LDLRAD4: variants seen among roughly 807,000 people sequenced by gnomAD.
LDLRAD4 encodes low density lipoprotein receptor class A domain containing 4.
LDLRAD4 carries 5 observed loss-of-function variants against 17.0 expected under a neutral mutation model. The ratio of observed to expected loss-of-function variants is 0.29; its 90% CI spans 0.15 to 0.62. LDLRAD4 has a LOEUF of 0.62. LDLRAD4 is among the 20% of genes least tolerant of loss of function. The pLI is 0.84. For synonymous variants in LDLRAD4, 168 were observed against 171.8 expected, an observed-to-expected ratio of 0.98 and a Z score of 0.17; for missense variants, 340 against 424.7, an observed-to-expected ratio of 0.80 and a Z score of 1.75.
chr18:13,247,960 C>CTTT (rs34516593), intron 1 of LDLRAD4, among the ~76,000 whole-genome samples: 23,228 of 131,792 alleles, frequency 0.18, 4,655 homozygotes, highest in African/African-American at 0.49. Context: ...CGCCCCCCGC[C>CTTT]TTTTTTTTTT....
At chr18:13,569,175 G>A (rs776136464) in intron 3 of LDLRAD4, among the ~76,000 whole-genome samples, 1 of 152,160 alleles carries the variant, frequency 6.6e-6, no homozygotes, top group South Asian at 2.1e-4. Flanking sequence ...CTAGAGAAGC[G>A]CCCTTTGCCC....
intron 3 of LDLRAD4, among the ~76,000 whole-genome samples, chr18:13,574,359 G>A (rs755205173): frequency 6.6e-6 from 1 of 152,136 alleles, no homozygotes; most frequent in East Asian, 1.9e-4. Context: ...GAGAGCAACC[G>A]CTCTCTGTTC....
intron 1 of LDLRAD4, among the ~76,000 whole-genome samples, chr18:13,282,993 T>C (rs2045376795): frequency 6.6e-6 from 1 of 152,242 alleles, no homozygotes; most frequent in South Asian, 2.1e-4. Flanking sequence ...GCTTCCACCC[T>C]CTGAAGTCAC....
At chr18:13,512,116 C>T (rs531469934) in intron 3 of LDLRAD4, among the ~76,000 whole-genome samples, 2 of 152,298 alleles carry the variant, frequency 1.3e-5, no homozygotes, top group East Asian at 3.9e-4. Context: ...ATGTAATTTC[C>T]TTCCTGTTCC....
chr18:13,232,843 C>T lies in LDLRAD4; in HGVS notation c.-467+13855C>T, dbSNP rs142643950. On this transcript the variant is annotated intron_variant, in intron 1 of 5. Transcript: ENST00000399848. ...AGAGGCGCGTGCCAGCTGTGATGCT[C>T]GTCCGAACTCAGCTCCGGACCCGAA... Among the ~76,000 whole-genome samples, 144 of 152,244 alleles carry T rather than the reference C, an allele frequency of 9.5e-4. 1 individual carries two copies. The highest frequency in any genetic ancestry group is 1.6e-3 in the Non-Finnish European group (110 of 68,010).
At chr18:13,637,874 A>C (rs374303881) in intron 4 of LDLRAD4, among the ~76,000 whole-genome samples, 43 of 149,852 alleles carry the variant, frequency 2.9e-4, no homozygotes, top group African/African-American at 1.0e-3. Flanking sequence ...TCAACAACAA[A>C]AAAAAAAAAA....
chr18:13,492,437 T>G (rs978408801), intron 3 of LDLRAD4, among the ~76,000 whole-genome samples: 1 of 151,486 alleles, frequency 6.6e-6, no homozygotes. Context: ...TGGTCCTCCC[T>G]TCCCCCCCGG....
At chr18:13,432,860 G>A (rs2090431606) in intron 2 of LDLRAD4, among the ~76,000 whole-genome samples, 1 of 152,106 alleles carries the variant, frequency 6.6e-6, no homozygotes, top group African/African-American at 2.4e-5. Flanking sequence ...GAGACTATAG[G>A]CACATGCCAC....
chr18:13,630,004 G>A (rs2041522911), intron 4 of LDLRAD4, among the ~76,000 whole-genome samples: 1 of 152,208 alleles, frequency 6.6e-6, no homozygotes, highest in Admixed American at 6.5e-5. Flanking sequence ...TGGATCTTGT[G>A]TGGTTCCACA....
Position 13,635,294 on chromosome 18 carries a change from T to G in LDLRAD4, c.337-8065T>G, listed in dbSNP as rs78307630. Reference sequence around the variant, plus strand: ...TGCCACCTTCTCTTGTGGAAAGAGCTTGCTAGCCTCCAGCCTCTTCTTATA... The same window carrying G: ...TGCCACCTTCTCTTGTGGAAAGAGCGTGCTAGCCTCCAGCCTCTTCTTATA... On this transcript the variant is annotated intron_variant, in intron 4 of 5. Coordinates refer to ENST00000359446, the Ensembl canonical transcript of LDLRAD4. Among the ~76,000 whole-genome samples the G allele has an allele frequency of 8.4e-3, 1,279 of 152,268 alleles. 10 individuals carry two copies. Among genetic ancestry groups the G allele is most frequent in the South Asian group, 0.034 (162 of 4,828 alleles).
At chr18:13,254,992 A>T (rs1222362329) in intron 1 of LDLRAD4, among the ~76,000 whole-genome samples, 2 of 152,206 alleles carry the variant, frequency 1.3e-5, no homozygotes, top group East Asian at 3.8e-4. Context: ...GAAAAACCCA[A>T]TTCTTCTTGT....
At chr18:13,587,060 A>C (rs2094945524) in intron 3 of LDLRAD4, among the ~76,000 whole-genome samples, 1 of 152,074 alleles carries the variant, frequency 6.6e-6, no homozygotes, top group Non-Finnish European at 1.5e-5. Flanking sequence ...TTCTTTTTGG[A>C]GGTTTCCACT....
intron 3 of LDLRAD4, among the ~76,000 whole-genome samples, chr18:13,447,390 A>T (rs1321406879): frequency 2.0e-5 from 3 of 152,214 alleles, no homozygotes; most frequent in Admixed American, 2.0e-4. Flanking sequence ...TGTTTCTCCA[A>T]GACGGTTTTC....
At chr18:13,423,195 C>T (rs1363678760) in intron 2 of LDLRAD4, among the ~76,000 whole-genome samples, 1 of 152,088 alleles carries the variant, frequency 6.6e-6, no homozygotes, top group South Asian at 2.1e-4. Flanking sequence ...CTAAAGAAGG[C>T]CGGGCTTGGT....
At chr18:13,401,082 C>T (rs1251223033) in intron 2 of LDLRAD4, among the ~76,000 whole-genome samples, 1 of 151,906 alleles carries the variant, frequency 6.6e-6, no homozygotes, top group Non-Finnish European at 1.5e-5. Flanking sequence ...AAGGTGAGGC[C>T]TCGCTAAGGA....
At chr18:13,217,977 C>G (rs1203974785), upstream of LDLRAD4, 2 of 150,372 alleles carry the variant, frequency 1.3e-5, no homozygotes, top group African/African-American at 4.9e-5. This position sits in a 1 kb window ranked among gnomAD's most constrained non-coding sequence, Gnocchi z 4.9. Flanking sequence ...TCCCCGCCGG[C>G]CCGCCGCGCG....
At chr18:13,355,794 G>T (rs1169248817) in intron 1 of LDLRAD4, among the ~76,000 whole-genome samples, 1 of 151,890 alleles carries the variant, frequency 6.6e-6, no homozygotes, top group Admixed American at 6.6e-5. Flanking sequence ...ACCATGCCTG[G>T]CTAATTAAAA....
At chr18:13,509,397 A>G (rs2093743537) in intron 3 of LDLRAD4, among the ~76,000 whole-genome samples, 1 of 152,250 alleles carries the variant, frequency 6.6e-6, no homozygotes, top group Non-Finnish European at 1.5e-5. Flanking sequence ...TTAAGACTTC[A>G]GTGAGGAACT....
At chr18:13,630,241 G>A (rs976961485) in intron 4 of LDLRAD4, among the ~76,000 whole-genome samples, 5 of 152,172 alleles carry the variant, frequency 3.3e-5, no homozygotes, top group African/African-American at 9.6e-5. Flanking sequence ...GAGCAGAGTT[G>A]GGGGATCTTG....
Sources: allele counts gnomAD v4.1 joint callset (sites outside exome capture counted in the v4.1 genomes callset), GRCh38; gene constraint gnomAD v4.1.1; non-coding constraint Gnocchi (gnomAD v3.1); transcripts MANE v1.5; gene names NCBI Gene and HGNC (gene_info 2026-07-23, HGNC 2026-07-21).